ULK4: variants seen among roughly 807,000 people sequenced by gnomAD.
ULK4 encodes unc-51 like kinase 4.
A neutral mutation model predicts 160.6 loss-of-function variants in ULK4; 133 were observed. That is an observed-to-expected ratio of 0.83 (90% CI 0.72 to 0.96). The LOEUF is 0.96. Among genes scored for constraint, ULK4 ranks in the 40% least tolerant of loss-of-function variants. The pLI is 0.00. For missense variants in ULK4, 1,580 were observed against 1,499.5 expected (o/e 1.05, Z -0.89); for synonymous variants, 534 against 539.8 (o/e 0.99, Z 0.15).
intron 29 of ULK4, among the ~76,000 whole-genome samples, chr3:41,668,195 A>G (rs559740052): frequency 6.6e-6 from 1 of 152,328 alleles, no homozygotes; most frequent in East Asian, 1.9e-4. Flanking sequence ...TGAGAATTTG[A>G]AGGAGTGATT....
chr3:41,317,551 C>A lies in ULK4; in HGVS notation c.3679-67977G>T, dbSNP rs141380478. Among the ~76,000 whole-genome samples, 634 of 152,182 alleles carry A rather than the reference C, an allele frequency of 4.2e-3. 3 individuals carry two copies. The highest frequency in any genetic ancestry group is 0.015 in the African/African-American group (607 of 41,510). On this transcript the variant is annotated intron_variant, in intron 35 of 36. Coordinates refer to ENST00000301831, the MANE Select transcript of ULK4 (RefSeq NM_017886.4). ...TGATCTAACACAAGGATGGGTTAAA[C>A]TTCTATGAAAGAAGAGGAGATGACC...
chr3:41,363,962 A>G (rs968595459), intron 35 of ULK4, among the ~76,000 whole-genome samples: 2 of 150,168 alleles, frequency 1.3e-5, no homozygotes, highest in South Asian at 2.1e-4. Context: ...ACAGGGTCTC[A>G]CTCTGTTGCC....
At chr3:41,683,697 T>C (rs1315615801) in intron 27 of ULK4, among the ~76,000 whole-genome samples, 1 of 152,054 alleles carries the variant, frequency 6.6e-6, no homozygotes, top group Admixed American at 6.6e-5. Flanking sequence ...CGTGTGGCAC[T>C]GATTCAGCCT....
At chr3:41,506,767 A>AAAAAAAAAAAAATATATATATAT in intron 32 of ULK4, among the ~76,000 whole-genome samples, 4 of 56,792 alleles carry the variant, frequency 7.0e-5, no homozygotes, top group Admixed American at 2.2e-4. Flanking sequence ...TGTGATTTAA[A>AAAAAAAAAAAAATATATATATAT]ATATATATAT....
At chr3:41,447,591 G>C (rs961731493) in intron 34 of ULK4, among the ~76,000 whole-genome samples, 2 of 152,164 alleles carry the variant, frequency 1.3e-5, no homozygotes, top group African/African-American at 4.8e-5. Flanking sequence ...GAATGTCAGA[G>C]CCCTGGGGAC....
chr3:41,416,326 T>C (rs1018885857), intron 34 of ULK4, among the ~76,000 whole-genome samples: 7 of 152,244 alleles, frequency 4.6e-5, no homozygotes, highest in Non-Finnish European at 1.0e-4. Context: ...TATTTTTTTC[T>C]GTAAAATCAG....
chr3:41,680,361 G>C (rs1363490216), intron 29 of ULK4, among the ~76,000 whole-genome samples: 1 of 152,146 alleles, frequency 6.6e-6, no homozygotes, highest in Non-Finnish European at 1.5e-5. Flanking sequence ...AGCTGCAGAA[G>C]TGTAAATAGG....
At chr3:41,585,875 G>A (rs904006665) in intron 31 of ULK4, among the ~76,000 whole-genome samples, 1 of 152,110 alleles carries the variant, frequency 6.6e-6, no homozygotes, top group Non-Finnish European at 1.5e-5. Flanking sequence ...CTCTAAAGAT[G>A]AAATACAAAT....
intron 17 of ULK4, among the ~76,000 whole-genome samples, chr3:41,861,177 A>T (rs1372575400): frequency 6.6e-6 from 1 of 152,210 alleles, no homozygotes; most frequent in Non-Finnish European, 1.5e-5. Flanking sequence ...TAGTAGAAGT[A>T]GTTTACACAC....
Position 41,463,191 on chromosome 3 carries a change from T to C in ULK4, c.3289A>G (p.Asn1097Asp). 6.2e-7 allele frequency: 1 copy of C among 1,613,722 alleles called. No homozygotes were observed. Among genetic ancestry groups the C allele is most frequent in the Non-Finnish European group, 8.5e-7 (1 of 1,179,750 alleles). Reference sequence around the variant, plus strand: ...GCTGCCATCTCATTGTTGTTTTTATTGTCCACATCCAAGCACAGTGTGGCA... The same window carrying C: ...GCTGCCATCTCATTGTTGTTTTTATCGTCCACATCCAAGCACAGTGTGGCA... ...ETATLCLDVD[N>D]KNNNEMAAPL... is the part of the protein sequence containing the mutation. The change falls in exon 33 of 37, where the codon AAT (asparagine) becomes GAT (aspartate). Residue 1097 changes from asparagine to aspartate, a missense_variant. Coordinates refer to ENST00000301831, the MANE Select transcript of ULK4 (RefSeq NM_017886.4).
intron 32 of ULK4, among the ~76,000 whole-genome samples, chr3:41,564,388 A>G (rs984994081): frequency 4.7e-5 from 7 of 150,098 alleles, no homozygotes; most frequent in Middle Eastern, 3.5e-3. Flanking sequence ...CTCAAACGCC[A>G]TGCTGGGAGA....
At chr3:41,847,473 G>A (rs1418034322) in intron 17 of ULK4, among the ~76,000 whole-genome samples, 1 of 152,170 alleles carries the variant, frequency 6.6e-6, no homozygotes, top group Non-Finnish European at 1.5e-5. Flanking sequence ...CCAAAGGGAC[G>A]TTTTAAAACC....
chr3:41,629,303 A>G (rs2033655487), intron 30 of ULK4, among the ~76,000 whole-genome samples: 1 of 152,152 alleles, frequency 6.6e-6, no homozygotes, highest in African/African-American at 2.4e-5. Flanking sequence ...CACTTCTGGC[A>G]CCTGGGCTGG....
intron 31 of ULK4, among the ~76,000 whole-genome samples, chr3:41,612,706 T>C (rs1165871652): frequency 6.6e-6 from 1 of 152,208 alleles, no homozygotes; most frequent in Non-Finnish European, 1.5e-5. Flanking sequence ...CTATTTTATA[T>C]AGATAAGATC....
intron 35 of ULK4, among the ~76,000 whole-genome samples, chr3:41,358,133 A>C (rs1055339229): frequency 2.6e-5 from 4 of 152,220 alleles, no homozygotes; most frequent in African/African-American, 9.6e-5. Context: ...CTCTAGCTAC[A>C]GGACATTGGA....
intron 18 of ULK4, among the ~76,000 whole-genome samples, 176 bp from the exon 19 acceptor site, chr3:41,819,682 T>C (rs951520791): frequency 6.6e-6 from 1 of 152,232 alleles, no homozygotes; most frequent in Non-Finnish European, 1.5e-5. Flanking sequence ...TACTGCATTG[T>C]ACATACAAGA....
chr3:41,254,116 A>T (rs2078788689), intron 35 of ULK4, among the ~76,000 whole-genome samples: 1 of 152,214 alleles, frequency 6.6e-6, no homozygotes, highest in African/African-American at 2.4e-5. Flanking sequence ...CGGATACAGA[A>T]GAACTGAGGA....
intron 32 of ULK4, among the ~76,000 whole-genome samples, chr3:41,485,495 T>C (rs866021086): frequency 2.0e-5 from 3 of 152,206 alleles, no homozygotes; most frequent in Admixed American, 6.5e-5. Context: ...TGAAAATAAA[T>C]CTGCTTTGCT....
Position 41,395,504 on chromosome 3 carries a change from A to C in ULK4, c.3678+2575T>G, listed in dbSNP as rs143652049. The stretch of plus-strand genomic sequence containing the variant: ...GAATTAACCTTGAAGCCACATACCA[A>C]GTGAAACAAGCCAGACATAAAAGGA... On this transcript the variant is annotated intron_variant, in intron 35 of 36. Coordinates refer to ENST00000301831, the MANE Select transcript of ULK4 (RefSeq NM_017886.4). 4.6e-5 allele frequency among the ~76,000 whole-genome samples: 7 copies of C among 152,310 alleles called. No homozygotes were observed. In the East Asian group the frequency reaches 1.4e-3, roughly 29 times the overall value.
Sources: gnomAD v4.1 joint callset for allele counts (sites outside exome capture counted in the v4.1 genomes callset) on GRCh38, gnomAD v4.1.1 for gene constraint, MANE v1.5 for transcripts, NCBI Gene and HGNC (gene_info 2026-07-23, HGNC 2026-07-21) for gene names.